Variants in XIRP2 observed in about 807,000 individuals in gnomAD.
XIRP2 encodes xin actin-binding repeat-containing protein 2.
A neutral mutation model predicts 277.0 loss-of-function variants in XIRP2; 236 were observed. The observed-to-expected ratio is 0.85, with a 90% CI of 0.77 to 0.95. The LOEUF is 0.95. Among genes scored for constraint, XIRP2 ranks in the 40% least tolerant of loss-of-function variants. The pLI is 0.00. For missense variants in XIRP2, 4,640 were observed against 4,157.5 expected, an observed-to-expected ratio of 1.12 and a Z score of -3.19; for synonymous variants, 1,490 against 1,416.5, an observed-to-expected ratio of 1.05 and a Z score of -1.17.
chr2:167,179,589 G>C (rs990346876), intron 3 of XIRP2, among the ~76,000 whole-genome samples: 9 of 151,230 alleles, frequency 6.0e-5, no homozygotes, highest in African/African-American at 2.2e-4. Flanking sequence ...CAAAGTGCTG[G>C]GATTACAGGC....
Position 167,250,979 on chromosome 2 carries a change from C to G in XIRP2, c.9587C>G (p.Ala3196Gly), listed in dbSNP as rs1695472603. The G allele has an allele frequency of 6.2e-7, 1 of 1,613,558 alleles. No individual in the cohort carries two copies. The highest frequency in any genetic ancestry group is 8.5e-7 in the Non-Finnish European group (1 of 1,179,762). The change falls in exon 9 of 11, where the codon GCC (alanine) becomes GGC (glycine). Residue 3196 changes from alanine (A) to glycine (G), a missense_variant. By Grantham distance (60) the Ala-to-Gly change is moderately conservative (BLOSUM62 0). Transcript: ENST00000409195. The stretch of plus-strand genomic sequence containing the variant: ...ACCACTGCAAAGTTATCCAAAGGGG[C>G]CATCCCATGTCCAGCAGCAACCCCG... Reference protein sequence around the residue: ...KDTTAKLSKGAIPCPAATPVP... With the variant: ...KDTTAKLSKGGIPCPAATPVP...
chr2:167,189,338 G>A (rs749678673), intron 3 of XIRP2, among the ~76,000 whole-genome samples: 2 of 152,098 alleles, frequency 1.3e-5, no homozygotes, highest in Admixed American at 6.6e-5. Context: ...TTGATAGCCA[G>A]GAGTCATGTC....
At chr2:167,002,408 A>T (rs201458501) in intron 2 of XIRP2, among the ~76,000 whole-genome samples, 2 of 100,992 alleles carry the variant, frequency 2.0e-5, no homozygotes, top group Non-Finnish European at 3.8e-5. Context: ...AGTGTCTAAC[A>T]TGTAATTTAA....
intron 2 of XIRP2, among the ~76,000 whole-genome samples, chr2:166,913,809 C>A (rs1313118613): frequency 6.6e-6 from 1 of 152,186 alleles, no homozygotes; most frequent in African/African-American, 2.4e-5. Flanking sequence ...ATGCAAAAAT[C>A]AGGATCATTT....
Position 167,250,092 on chromosome 2 carries a change from A to G in XIRP2, c.8700A>G (p.Glu2900=), listed in dbSNP as rs948923901. The G allele has an allele frequency of 6.2e-7, 1 of 1,613,548 alleles. No homozygotes were observed. The highest frequency in any genetic ancestry group is 8.5e-7 in the Non-Finnish European group (1 of 1,179,674). The stretch of plus-strand genomic sequence containing the variant: ...GTCTGCAGGAAGAAAAATGTCTCGA[A>G]GTCAAGGGCATACAAGAGAAACAAG... ...YNSLQEEKCL[E]VKGIQEKQVF... is the part of the protein sequence containing the mutation. The change falls in exon 9 of 11, where the codon GAA becomes GAG. Residue 2900 remains glutamate, a synonymous_variant. Coordinates refer to ENST00000409195, the MANE Select transcript of XIRP2 (RefSeq NM_152381.6).
chr2:167,011,057 C>A (rs554446191), intron 2 of XIRP2, among the ~76,000 whole-genome samples: 2 of 151,884 alleles, frequency 1.3e-5, no homozygotes, highest in South Asian at 4.2e-4. Context: ...ATTGAATACC[C>A]TTTATTTCCT....
rs1695383305 is a variant in XIRP2, at chr2:167,249,091, T to C, written c.7699T>C (p.Tyr2567His). The C allele has an allele frequency of 1.2e-6, 2 of 1,613,714 alleles. No individual in the cohort carries two copies. Among genetic ancestry groups the C allele is most frequent in the African/African-American group, 1.3e-5 (1 of 74,970 alleles). Residue 2567 changes from tyrosine (Y) to histidine (H), a missense_variant, in exon 9 of 11, where the codon TAC (tyrosine) becomes CAC (histidine). Transcript: ENST00000409195. ...EIEKQKQESS[Y>H]YNIVKTQSQN... Reference sequence around the variant, plus strand: ...TGAAAAACAGAAACAGGAGAGTTCTTACTACAACATTGTTAAAACTCAAAG... The same window carrying C: ...TGAAAAACAGAAACAGGAGAGTTCTCACTACAACATTGTTAAAACTCAAAG...
chr2:167,126,197 TCACA>T (rs35533380), intron 2 of XIRP2, among the ~76,000 whole-genome samples: 2 of 99,172 alleles, frequency 2.0e-5, no homozygotes, highest in East Asian at 7.0e-4. Flanking sequence ...TCTCTCTCTC[TCACA>T]CTCTCACTCT....
intron 1 of XIRP2, among the ~76,000 whole-genome samples, chr2:166,893,454 C>A (rs377448034): frequency 6.6e-5 from 10 of 152,174 alleles, no homozygotes; most frequent in African/African-American, 2.2e-4. Context: ...TCTCTTTACC[C>A]AATTTTATAT....
chr2:167,134,307 G>A (rs757800054), intron 2 of XIRP2, among the ~76,000 whole-genome samples: 10 of 150,746 alleles, frequency 6.6e-5, no homozygotes, highest in Admixed American at 4.6e-4. Context: ...ATATATTTAC[G>A]TGTGTGTATA....
chr2:167,244,495 A>C lies in XIRP2; in HGVS notation c.3103A>C (p.Lys1035Gln). ...PIDQFDESIH[K>Q]FQIIRGISAQ... ...TGACCAGTTTGATGAAAGCATTCATAAATTTCAAATAATTAGAGGAATATC... is the reference window on the plus strand; with the variant it reads ...TGACCAGTTTGATGAAAGCATTCATCAATTTCAAATAATTAGAGGAATATC... The change falls in exon 9 of 11, where the codon AAA becomes CAA. Residue 1035 changes from lysine to glutamine, a missense_variant. Coordinates refer to ENST00000409195, the MANE Select transcript of XIRP2 (RefSeq NM_152381.6). The C allele has an allele frequency of 1.2e-6, 2 of 1,613,764 alleles. No individual in the cohort carries two copies. The highest frequency in any genetic ancestry group is 2.2e-5 in the South Asian group (2 of 91,064).
chr2:167,245,159 A>G lies in XIRP2; in HGVS notation c.3767A>G (p.Glu1256Gly). Residue 1256 changes from glutamate (E) to glycine (G), a missense_variant, in exon 9 of 11, where the codon GAA (glutamate) becomes GGA (glycine). By Grantham distance (98) the Glu-to-Gly change is moderately conservative (BLOSUM62 -2). Coordinates refer to ENST00000409195, the MANE Select transcript of XIRP2 (RefSeq NM_152381.6). ...QPIDKIKESQEGDECVKTVTD... is the reference protein window; with the variant it reads ...QPIDKIKESQGGDECVKTVTD... ...ATTGATAAGATAAAAGAAAGCCAAG[A>G]AGGTGATGAATGTGTTAAGACGGTG... 6.2e-7 allele frequency: 1 copy of G among 1,613,314 alleles called. No homozygotes were observed. Among genetic ancestry groups the G allele is most frequent in the Non-Finnish European group, 8.5e-7 (1 of 1,179,618 alleles).
chr2:166,926,526 A>G (rs1324541735), intron 2 of XIRP2, among the ~76,000 whole-genome samples: 3 of 152,130 alleles, frequency 2.0e-5, no homozygotes, highest in Non-Finnish European at 4.4e-5. Context: ...CTCTGCCTTT[A>G]TAACAAATAT....
At chr2:167,140,949 G>C (rs1288407855) in intron 3 of XIRP2, 1 of 152,158 alleles carries the variant, frequency 6.6e-6, no homozygotes, top group Non-Finnish European at 1.5e-5. Context: ...GCAGCTGGGA[G>C]TTTGCTATTC....
chr2:167,252,381 C>T (rs888059760), intron 9 of XIRP2, among the ~76,000 whole-genome samples: 2 of 151,952 alleles, frequency 1.3e-5, no homozygotes, highest in Non-Finnish European at 2.9e-5. Flanking sequence ...GTCTGAGACA[C>T]AATTTACATT....
chr2:167,028,291 A>T (rs1462279118), intron 2 of XIRP2, among the ~76,000 whole-genome samples: 1 of 152,036 alleles, frequency 6.6e-6, no homozygotes, highest in Non-Finnish European at 1.5e-5. Context: ...GATAGTATGT[A>T]TGGTTATAAT....
intron 2 of XIRP2, among the ~76,000 whole-genome samples, chr2:167,094,500 T>C (rs1690240817): frequency 6.6e-6 from 1 of 152,166 alleles, no homozygotes; most frequent in African/African-American, 2.4e-5. Flanking sequence ...GTATAAGGTG[T>C]AAGGAAGGGG....
intron 1 of XIRP2, among the ~76,000 whole-genome samples, chr2:166,892,204 C>A (rs1485629730): frequency 6.6e-6 from 1 of 152,100 alleles, no homozygotes; most frequent in Non-Finnish European, 1.5e-5. Flanking sequence ...CAAATTGGCA[C>A]AGGCTTCATT....
At chr2:167,063,083 T>C (rs764540704) in intron 2 of XIRP2, among the ~76,000 whole-genome samples, 10 of 151,974 alleles carry the variant, frequency 6.6e-5, no homozygotes, top group Non-Finnish European at 1.3e-4. Context: ...TTTATTGCTT[T>C]AAATTTCCCT....
Sources: allele counts gnomAD v4.1 joint callset (sites outside exome capture counted in the v4.1 genomes callset), GRCh38; gene constraint gnomAD v4.1.1; transcripts MANE v1.5; gene names NCBI Gene and HGNC (gene_info 2026-07-23, HGNC 2026-07-21).